Variants in SH3PXD2B observed in about 807,000 individuals in gnomAD.
SH3PXD2B encodes the protein SH3 and PX domain-containing protein 2B.
In SH3PXD2B, 37 loss-of-function variants were observed where a neutral mutation model predicts 73.1. That is an observed-to-expected ratio of 0.51 (90% CI 0.39 to 0.67). The LOEUF (loss-of-function observed/expected upper bound fraction) is 0.67. SH3PXD2B is among the 30% of genes least tolerant of loss of function. The pLI, the probability that SH3PXD2B is intolerant of heterozygous loss-of-function variation, is 0.00. For synonymous variants in SH3PXD2B, 457 were observed against 480.5 expected (o/e 0.95, Z 0.64); for missense variants, 1,053 against 1,197.8 (o/e 0.88, Z 1.78).
chr5:172,404,266 C>T (rs1758501898), intron 3 of SH3PXD2B, among the ~76,000 whole-genome samples: 1 of 152,008 alleles, frequency 6.6e-6, no homozygotes, highest in African/African-American at 2.4e-5. Context: ...AGGGAGTCCC[C>T]CCAATCTCTA....
At chr5:172,390,826 TG>T (rs1429318742) in intron 4 of SH3PXD2B, among the ~76,000 whole-genome samples, 6 of 119,478 alleles carry the variant, frequency 5.0e-5, no homozygotes, top group Non-Finnish European at 1.0e-4. Context: ...TGTGTGTGTG[TG>T]TGTGTGTGTG....
intron 5 of SH3PXD2B, among the ~76,000 whole-genome samples, chr5:172,381,643 T>C (rs781026284): frequency 1.3e-5 from 2 of 152,166 alleles, no homozygotes; most frequent in Non-Finnish European, 2.9e-5. Context: ...AGTGGGGTCT[T>C]CGTTGGTTTG....
rs1000967727 is a variant in SH3PXD2B at position 172,333,675 on chromosome 5, C to T, written c.*4694G>A. On this transcript the variant is annotated 3_prime_UTR_variant, in exon 13 of 13. Coordinates refer to ENST00000311601, the MANE Select transcript of SH3PXD2B (RefSeq NM_001017995.3). ...TGTTAAAGGAAACAAAAACCACCAC[C>T]GGAATGCCAATTTGCCAAGAGGGTA... The T allele has an allele frequency of 7.8e-6, 10 of 1,289,380 alleles. No homozygotes were observed. The highest frequency in any genetic ancestry group is 6.9e-5 in the Admixed American group (3 of 43,544). 79.9% of individuals were successfully genotyped at this position (1,289,380 alleles called of 1,614,324 possible). A position where few individuals can be genotyped will look rare whatever the true frequency, so the allele number is the denominator to read the frequency against.
In SH3PXD2B at chr5:172,445,396, G is replaced by A. The variant is rs1759639650; in HGVS notation, c.75+8882C>T. Among the ~76,000 whole-genome samples, 1 of 152,200 alleles carries A rather than the reference G, an allele frequency of 6.6e-6. No homozygotes were observed. The highest frequency in any genetic ancestry group is 2.1e-4 in the South Asian group (1 of 4,830). On this transcript the variant is annotated intron_variant, in intron 1 of 12. Coordinates refer to ENST00000311601, the MANE Select transcript of SH3PXD2B (RefSeq NM_001017995.3). The surrounding 1 kb of genome is among the most constrained non-coding windows in gnomAD (Gnocchi z 5.2). ...GCTAATTTTGTGGATTTTTAGTAGA[G>A]ATGAGGTCTCACTATGTTCCCCAGG... is the stretch of plus-strand genomic sequence containing the variant.
intron 2 of SH3PXD2B, among the ~76,000 whole-genome samples, chr5:172,408,150 T>C (rs939861743): frequency 6.8e-6 from 1 of 146,192 alleles, no homozygotes; most frequent in Non-Finnish European, 1.5e-5. Context: ...AAACTGTGGG[T>C]TTTTTTTTTT....
intron 1 of SH3PXD2B, among the ~76,000 whole-genome samples, chr5:172,427,156 T>G (rs1011055047): frequency 5.3e-5 from 8 of 152,210 alleles, no homozygotes; most frequent in African/African-American, 1.9e-4. Flanking sequence ...TGGGACATCA[T>G]TCAGCTCTAA....
rs1554087271 is a variant in SH3PXD2B at position 172,434,782 on chromosome 5, G to GTTTTTGTTTTTTTGTT, written c.76-12287_76-12286insAACAAAAAAACAAAAA. ...TGGTCCTGGGATGCAATGGCCAATG[G>GTTTTTGTTTTTTTGTT]TTTTTTTTTTTTTTTTTTTCAGACA... On this transcript the variant is annotated intron_variant, in intron 1 of 12. Coordinates refer to ENST00000311601, the MANE Select transcript of SH3PXD2B (RefSeq NM_001017995.3). Among the ~76,000 whole-genome samples, 44 of 66,334 alleles carry GTTTTTGTTTTTTTGTT rather than the reference G, an allele frequency of 6.6e-4. 1 individual carries two copies. Among genetic ancestry groups the GTTTTTGTTTTTTTGTT allele is most frequent in the African/African-American group, 1.8e-3 (40 of 21,672 alleles). 43.5% of individuals were successfully genotyped at this position (66,334 alleles called of 152,430 possible). A position where few individuals can be genotyped will look rare whatever the true frequency, so the allele number is the denominator to read the frequency against.
intron 1 of SH3PXD2B, among the ~76,000 whole-genome samples, chr5:172,439,580 T>C (rs1157704554): frequency 6.6e-6 from 1 of 152,122 alleles, no homozygotes; most frequent in Non-Finnish European, 1.5e-5. Flanking sequence ...CGAGTAGCCA[T>C]CTTCCTTGGG....
At chr5:172,364,990 A>G (rs747863987) in intron 6 of SH3PXD2B, among the ~76,000 whole-genome samples, 2 of 152,184 alleles carry the variant, frequency 1.3e-5, no homozygotes, top group Admixed American at 6.5e-5. Flanking sequence ...GATGTGAAAA[A>G]GCAGAATAGG....
chr5:172,329,036 T>TATATAC (rs1237505045), downstream of SH3PXD2B, among the ~76,000 whole-genome samples: 1 of 88,028 alleles, frequency 1.1e-5, no homozygotes, highest in Admixed American at 1.2e-4. Flanking sequence ...CATATACGTA[T>TATATAC]ATATATGTAT....
At chr5:172,400,458 C>T (rs2113413471) in intron 3 of SH3PXD2B, among the ~76,000 whole-genome samples, 1 of 152,178 alleles carries the variant, frequency 6.6e-6, no homozygotes, top group South Asian at 2.1e-4. Context: ...CTTGTTCTTT[C>T]CCTTAAAATG....
chr5:172,442,550 T>C (rs1163218922), intron 1 of SH3PXD2B, among the ~76,000 whole-genome samples: 1 of 152,188 alleles, frequency 6.6e-6, no homozygotes, highest in East Asian at 1.9e-4. Flanking sequence ...CTGCTGAATA[T>C]CCAAATATAT....
At chr5:172,406,825 G>A (rs1758572156) in intron 2 of SH3PXD2B, among the ~76,000 whole-genome samples, 1 of 152,188 alleles carries the variant, frequency 6.6e-6, no homozygotes, top group Non-Finnish European at 1.5e-5. Flanking sequence ...ATAGCTTTGG[G>A]CCTGGCTCTG....
At chr5:172,330,656 T>C (rs539505138), downstream of SH3PXD2B, among the ~76,000 whole-genome samples, 4 of 152,320 alleles carry the variant, frequency 2.6e-5, no homozygotes, top group East Asian at 7.7e-4. Flanking sequence ...CTATCGACAT[T>C]TGTTCTGAAA....
At chr5:172,419,061 G>A (rs558981994) in intron 2 of SH3PXD2B, among the ~76,000 whole-genome samples, 4 of 152,262 alleles carry the variant, frequency 2.6e-5, no homozygotes, top group Admixed American at 1.3e-4. Context: ...ATAAATGCAC[G>A]AGGAAGGCAC....
chr5:172,365,528 A>G (rs757633527), intron 6 of SH3PXD2B, among the ~76,000 whole-genome samples: 1 of 152,114 alleles, frequency 6.6e-6, no homozygotes, highest in Admixed American at 6.5e-5. Flanking sequence ...TCAGTCTGAC[A>G]TCTCTGGGTG....
At chr5:172,417,124 G>C (rs1210351293) in intron 2 of SH3PXD2B, among the ~76,000 whole-genome samples, 1 of 152,082 alleles carries the variant, frequency 6.6e-6, no homozygotes, top group Non-Finnish European at 1.5e-5. Context: ...GGGGCATATT[G>C]TTTTCTATCA....
intron 12 of SH3PXD2B, among the ~76,000 whole-genome samples, chr5:172,327,188 C>A (rs545468479): frequency 6.6e-6 from 1 of 152,260 alleles, no homozygotes; most frequent in East Asian, 1.9e-4. Context: ...AGATTCTACT[C>A]TTCATAGAAA....
In SH3PXD2B at chr5:172,353,148, C is replaced by T. The variant is rs184448400; in HGVS notation, c.785+740G>A. 3.9e-4 allele frequency among the ~76,000 whole-genome samples: 59 copies of T among 152,274 alleles called. No individual in the cohort carries two copies. Among genetic ancestry groups the T allele is most frequent in the Admixed American group, 3.4e-3 (52 of 15,296 alleles). ...GGGCCCAACAGAGATTCTTGGTGTG[C>T]GTTTGTTGAATGAATGAATGAATGC... On this transcript the variant is annotated intron_variant, in intron 9 of 12. Coordinates refer to ENST00000311601, the MANE Select transcript of SH3PXD2B (RefSeq NM_001017995.3). The surrounding 1 kb of genome is among the most constrained non-coding windows in gnomAD (Gnocchi z 4.3).
Sources: allele counts gnomAD v4.1 joint callset (sites outside exome capture counted in the v4.1 genomes callset), GRCh38; gene constraint gnomAD v4.1.1; non-coding constraint Gnocchi (gnomAD v3.1); transcripts MANE v1.5; gene names NCBI Gene and HGNC (gene_info 2026-07-23, HGNC 2026-07-21).